Variants in DACH2 observed in about 807,000 individuals in gnomAD.
DACH2 encodes the protein dachshund family transcription factor 2.
In DACH2, 17 loss-of-function variants were observed where a neutral mutation model predicts 35.8. The ratio of observed to expected loss-of-function variants is 0.48; its 90% CI spans 0.33 to 0.71. DACH2 has a LOEUF of 0.71. DACH2 is among the 30% of genes least tolerant of loss of function. DACH2 has a pLI of 0.02. For missense variants in DACH2, 469 were observed against 472.7 expected (o/e 0.99, Z 0.07); for synonymous variants, 195 against 177.3 (o/e 1.10, Z -0.79).
chrX:86,450,328 G>A (rs1489840189), intron 2 of DACH2, among the ~76,000 whole-genome samples: 2 of 111,125 alleles, frequency 1.8e-5, no homozygotes, highest in Admixed American at 9.6e-5. Flanking sequence ...GCAGTGTTTG[G>A]TTTTCTCTTC....
At chrX:86,393,994 TC>T (rs2036241725) in intron 2 of DACH2, among the ~76,000 whole-genome samples, 2 of 108,882 alleles carry the variant, frequency 1.8e-5, no homozygotes, top group Non-Finnish European at 3.8e-5. Flanking sequence ...GTCTTTTTTT[TC>T]CTTTGTCTCT....
chrX:86,764,637 G>A (rs993539135), intron 7 of DACH2, among the ~76,000 whole-genome samples: 1 of 111,325 alleles, frequency 9.0e-6, no homozygotes, highest in African/African-American at 3.3e-5. Flanking sequence ...CTGTTGATGG[G>A]CACATAGATT....
At chrX:86,641,133 G>C (rs755399956) in intron 3 of DACH2, among the ~76,000 whole-genome samples, 4 of 112,036 alleles carry the variant, frequency 3.6e-5, no homozygotes, top group African/African-American at 1.3e-4. Context: ...ATAGAATTCA[G>C]AATATGGATA....
At chrX:86,322,447 G>T (rs893583267) in intron 1 of DACH2, among the ~76,000 whole-genome samples, 2 of 110,501 alleles carry the variant, frequency 1.8e-5, no homozygotes, top group African/African-American at 6.6e-5. Flanking sequence ...AGACAGTGGG[G>T]GTGCCCCCAC....
At chrX:86,169,318 G>T (rs1286007070) in intron 1 of DACH2, among the ~76,000 whole-genome samples, 2 of 111,033 alleles carry the variant, frequency 1.8e-5, no homozygotes, top group African/African-American at 6.5e-5. Flanking sequence ...CTGCTTTTAG[G>T]ATCCTTTCTT....
intron 7 of DACH2, among the ~76,000 whole-genome samples, chrX:86,787,633 A>G (rs997646567): frequency 1.8e-5 from 2 of 109,932 alleles, no homozygotes; most frequent in East Asian, 2.8e-4. Context: ...AAAAAAAAAA[A>G]AAAGAAAAGA....
intron 1 of DACH2, among the ~76,000 whole-genome samples, chrX:86,199,333 G>A (rs75472614): frequency 1.8e-5 from 2 of 111,414 alleles, no homozygotes; most frequent in Non-Finnish European, 3.8e-5. Flanking sequence ...AAAGCTGGAA[G>A]CATTCCCCTT....
At chrX:86,576,585 T>A (rs771634859) in intron 3 of DACH2, among the ~76,000 whole-genome samples, 1 of 111,238 alleles carries the variant, frequency 9.0e-6, no homozygotes, top group East Asian at 2.8e-4. Flanking sequence ...ATTTAAAAAT[T>A]TTCTTTTCAA....
chrX:86,305,986 A>G (rs1188860237), intron 1 of DACH2, among the ~76,000 whole-genome samples: 3 of 112,270 alleles, frequency 2.7e-5, no homozygotes, highest in Non-Finnish European at 5.6e-5. Context: ...GAACTTTTAT[A>G]CACTGTTGGT....
intron 2 of DACH2, among the ~76,000 whole-genome samples, chrX:86,442,125 C>G (rs185296630): frequency 6.4e-5 from 7 of 110,230 alleles, no homozygotes; most frequent in Non-Finnish European, 1.3e-4. Context: ...GCTTCAGCTT[C>G]CCAAAGTCCT....
At chrX:86,317,457 G>A (rs191694267) in intron 1 of DACH2, among the ~76,000 whole-genome samples, 1 of 112,122 alleles carries the variant, frequency 8.9e-6, no homozygotes, top group East Asian at 2.8e-4. Flanking sequence ...TTGGCTCACA[G>A]GAATAAGCAT....
intron 7 of DACH2, among the ~76,000 whole-genome samples, chrX:86,751,751 G>A (rs2041775846): frequency 1.8e-5 from 2 of 111,446 alleles, no homozygotes; most frequent in East Asian, 2.8e-4. Flanking sequence ...AGTATGCACA[G>A]GATTGAAAGC....
At chrX:86,798,051 G>C (rs2042256511) in intron 7 of DACH2, among the ~76,000 whole-genome samples, 2 of 112,252 alleles carry the variant, frequency 1.8e-5, no homozygotes, top group African/African-American at 6.5e-5. Context: ...TTAACAAACT[G>C]GTTTAGTATA....
At chrX:86,802,539 A>AG (rs1455875342) in intron 7 of DACH2, among the ~76,000 whole-genome samples, 2 of 107,896 alleles carry the variant, frequency 1.9e-5, no homozygotes, top group African/African-American at 6.7e-5. Flanking sequence ...AAAAAAAAAA[A>AG]AAAAAAAAAA....
intron 1 of DACH2, among the ~76,000 whole-genome samples, chrX:86,202,612 G>A (rs1311877081): frequency 3.8e-5 from 4 of 105,954 alleles, no homozygotes; most frequent in Admixed American, 2.0e-4. Context: ...AGTTGGCTAC[G>A]CTTAAGTTTT....
chrX:86,314,460 G>A (rs1018355573), intron 1 of DACH2, among the ~76,000 whole-genome samples: 1 of 111,014 alleles, frequency 9.0e-6, no homozygotes, highest in Non-Finnish European at 1.9e-5. Flanking sequence ...CGAGGCTGCA[G>A]TGAGCCATGA....
chrX:86,349,366 T>A (rs2035553064), intron 1 of DACH2, among the ~76,000 whole-genome samples: 1 of 111,913 alleles, frequency 8.9e-6, no homozygotes, highest in Admixed American at 9.4e-5. Flanking sequence ...CCTCTCTACA[T>A]CCAGCTGCTT....
chrX:86,683,238 A>T (rs373317972), intron 4 of DACH2, among the ~76,000 whole-genome samples: 1 of 111,268 alleles, frequency 9.0e-6, no homozygotes, highest in Non-Finnish European at 1.9e-5. Context: ...CTCTTTCTTC[A>T]TATTAAATAT....
At chrX:86,563,792 C>A (rs1421161240) in intron 3 of DACH2, among the ~76,000 whole-genome samples, 1 of 110,398 alleles carries the variant, frequency 9.1e-6, no homozygotes, top group African/African-American at 3.3e-5. Flanking sequence ...TTCCATTGGC[C>A]CACCTCTGTA....
Sources: allele counts gnomAD v4.1 joint callset (sites outside exome capture counted in the v4.1 genomes callset), GRCh38; gene constraint gnomAD v4.1.1; transcripts MANE v1.5; gene names NCBI Gene and HGNC (gene_info 2026-07-23, HGNC 2026-07-21).